The following NR4A1 variants were observed in gnomAD, a reference collection of about 807,000 sequenced individuals.
NR4A1 encodes the protein nuclear receptor subfamily 4 group A member 1, also known as nuclear receptor subfamily 4immunitygroup A member 1.
In NR4A1, 24 loss-of-function variants were observed where a neutral mutation model predicts 47.5. The ratio of observed to expected loss-of-function variants is 0.50; its 90% CI spans 0.37 to 0.71. The LOEUF (loss-of-function observed/expected upper bound fraction) is 0.71, where lower values mean the gene tolerates loss of function less well. Among genes scored for constraint, NR4A1 ranks in the 30% least tolerant of loss-of-function variants. The pLI is 0.00. For synonymous variants in NR4A1, 353 were observed against 345.7 expected, an observed-to-expected ratio of 1.02 and a Z score of -0.24; for missense variants, 669 against 788.6, an observed-to-expected ratio of 0.85 and a Z score of 1.82.
chr12:52,052,678 C>A (rs1314373773), intron 1 of NR4A1: 12 of 984,570 alleles, frequency 1.2e-5, no homozygotes, highest in Non-Finnish European at 1.3e-5. Flanking sequence ...TAAGAACCTG[C>A]ATGAAGGGGG....
chr12:52,040,235 C>A (rs971502114), intron 1 of NR4A1, among the ~76,000 whole-genome samples: 1 of 152,166 alleles, frequency 6.6e-6, no homozygotes, highest in African/African-American at 2.4e-5. Flanking sequence ...GCATTTTGAT[C>A]TGGAACAAGT....
chr12:52,036,779 C>T (rs1391285820), intron 1 of NR4A1, among the ~76,000 whole-genome samples: 1 of 151,416 alleles, frequency 6.6e-6, no homozygotes, highest in African/African-American at 2.5e-5. Flanking sequence ...CAGGCCCTGT[C>T]CTCGCCAGCA....
rs775429196 is a variant in NR4A1 at position 52,057,346 on chromosome 12, T to G, written c.1362-6T>G. ...TGATCGCTCTTCGTGCCCATCTGCC[T>G]GCCAGGTCTAAGCCAGGCGAGGGCA... On this transcript the variant is annotated splice_region_variant and splice_polypyrimidine_tract_variant and intron_variant, in intron 5 of 6. Transcript: ENST00000394825. 2.7e-5 allele frequency: 43 copies of G among 1,614,178 alleles called. No homozygotes were observed. In the East Asian group the frequency reaches 8.7e-4, roughly 33 times the overall value.
At chr12:52,023,086 C>G (rs1937918245) in intron 1 of NR4A1, 1 of 152,668 alleles carries the variant, frequency 6.6e-6, no homozygotes, top group South Asian at 2.1e-4. Context: ...GCAGGGGATC[C>G]CTGCCGGAGT....
intron 1 of NR4A1, among the ~76,000 whole-genome samples, chr12:52,025,016 A>G (rs1220958275): frequency 6.6e-6 from 1 of 151,154 alleles, no homozygotes; most frequent in African/African-American, 2.4e-5. Context: ...ACCACGTGGT[A>G]AGGAAGGAGC....
At chr12:52,037,724 C>A in intron 1 of NR4A1, 1 of 985,432 alleles carries the variant, frequency 1.0e-6, no homozygotes, top group Non-Finnish European at 1.2e-6. Context: ...ATTTCTCCGC[C>A]GGCTGCGGGA....
At chr12:52,052,170 A>G (rs969720213) in intron 1 of NR4A1, among the ~76,000 whole-genome samples, 3 of 151,376 alleles carry the variant, frequency 2.0e-5, no homozygotes, top group African/African-American at 7.3e-5. Context: ...TGACCTGTGG[A>G]GGGCTGCTTG....
chr12:52,023,625 T>C (rs1392811775), intron 1 of NR4A1, among the ~76,000 whole-genome samples: 1 of 129,982 alleles, frequency 7.7e-6, no homozygotes, highest in Admixed American at 7.5e-5. Flanking sequence ...TCTCAACCCC[T>C]CACCCACGCA....
upstream of NR4A1, chr12:52,051,292 G>A: frequency 2.0e-6 from 1 of 488,520 alleles, no homozygotes; most frequent in Non-Finnish European, 2.7e-6. Flanking sequence ...TCCCCGGGCC[G>A]CACCTCCCCC....
Position 52,057,431 on chromosome 12 carries a change from G to T in NR4A1, c.1441G>T (p.Asp481Tyr). 3 of 1,614,256 alleles carry T rather than the reference G, an allele frequency of 1.9e-6. No individual in the cohort carries two copies. The highest frequency in any genetic ancestry group is 2.5e-6 in the Non-Finnish European group (3 of 1,180,054). The change falls in exon 6 of 7, where the codon GAC becomes TAC. Residue 481 changes from aspartate (D) to tyrosine (Y), a missense_variant. Asp to Tyr is a radical substitution (Grantham distance 160, BLOSUM62 -3). Coordinates refer to ENST00000394825, the MANE Select transcript of NR4A1 (RefSeq NM_173157.3). ...GCTGCAGTGTGCCCGTGGCTTCGGG[G>T]ACTGGATTGACAGTATCCTGGCCTT... ...HRLQCARGFG[D>Y]WIDSILAFSR...
intron 1 of NR4A1, among the ~76,000 whole-genome samples, chr12:52,032,326 C>T (rs1021773287): frequency 6.6e-6 from 1 of 152,172 alleles, no homozygotes; most frequent in Non-Finnish European, 1.5e-5. Flanking sequence ...AGGTGGGACA[C>T]CATATTTTCC....
chr12:52,054,206 C>T (rs1412054039), intron 1 of NR4A1, 121 bp from the exon 2 acceptor site: 2 of 833,404 alleles, frequency 2.4e-6, no homozygotes, highest in Non-Finnish European at 3.7e-6. Context: ...GTGCCTCTGT[C>T]TCATCTTTAG....
upstream of NR4A1, among the ~76,000 whole-genome samples, chr12:52,050,649 G>C (rs1416101881): frequency 6.6e-6 from 1 of 152,202 alleles, no homozygotes; most frequent in Non-Finnish European, 1.5e-5. Flanking sequence ...CCGAGCTTGG[G>C]CCTGGCCAAC....
chr12:52,051,310 CT>C (rs1938922446), upstream of NR4A1: 1 of 749,924 alleles, frequency 1.3e-6, no homozygotes, highest in South Asian at 6.0e-5. Context: ...CCCTGGCCGC[CT>C]CCCGCCGGAA....
rs776426181 is a variant in NR4A1, at chr12:52,054,471, C to T, written c.143C>T (p.Thr48Ile). Residue 48 changes from threonine to isoleucine, a missense_variant, in exon 2 of 7, where the codon ACT becomes ATT. Transcript: ENST00000394825. Reference sequence around the variant, plus strand: ...CCCGAGGCAGCCCCCGCTGCCCCCACTGCCCTGCCCAGCTTCAGCACCTTC... The same window carrying T: ...CCCGAGGCAGCCCCCGCTGCCCCCATTGCCCTGCCCAGCTTCAGCACCTTC... ...ASPEAAPAAP[T>I]ALPSFSTFMD... 6.2e-7 allele frequency: 1 copy of T among 1,613,912 alleles called. No individual in the cohort carries two copies. The highest frequency in any genetic ancestry group is 1.1e-5 in the South Asian group (1 of 91,088).
chr12:52,027,424 C>G (rs144233681), intron 1 of NR4A1, among the ~76,000 whole-genome samples: 1 of 152,190 alleles, frequency 6.6e-6, no homozygotes, highest in African/African-American at 2.4e-5. Flanking sequence ...TTCGAGTGCC[C>G]GCAGGATGGT....
At chr12:52,038,861 G>A (rs1287708062) in intron 1 of NR4A1, 2 of 677,920 alleles carry the variant, frequency 3.0e-6, no homozygotes, top group South Asian at 1.5e-5. Context: ...CAGGCCCTGT[G>A]CCTGGCTCAA....
At position 52,055,179 on chromosome 12, in the gene NR4A1, G is replaced by A; in HGVS notation, c.851G>A (p.Cys284Tyr). 1 of 1,613,542 alleles carries A rather than the reference G, an allele frequency of 6.2e-7. No homozygotes were observed. Among genetic ancestry groups the A allele is most frequent in the Non-Finnish European group, 8.5e-7 (1 of 1,180,038 alleles). ...TGCCAGCATTATGGTGTCCGCACATGTGAGGGCTGCAAGGGCTTCTTCAAG... is the reference window on the plus strand; with the variant it reads ...TGCCAGCATTATGGTGTCCGCACATATGAGGGCTGCAAGGGCTTCTTCAAG... ...ASCQHYGVRT[C>Y]EGCKGFFKRT... Residue 284 changes from cysteine to tyrosine, a missense_variant, in exon 2 of 7, where the codon TGT (cysteine) becomes TAT (tyrosine). Physicochemically the swap from Cys to Tyr is radical, Grantham distance 194. Coordinates refer to ENST00000394825, the MANE Select transcript of NR4A1 (RefSeq NM_173157.3).
At chr12:52,051,051 C>T (rs1348266857), upstream of NR4A1, among the ~76,000 whole-genome samples, 4 of 152,316 alleles carry the variant, frequency 2.6e-5, no homozygotes, top group Admixed American at 6.5e-5. Flanking sequence ...CGCCCCTTCT[C>T]GGGCTCTGGC....
Sources: gnomAD v4.1 joint callset for allele counts (sites outside exome capture counted in the v4.1 genomes callset) on GRCh38, gnomAD v4.1.1 for gene constraint, MANE v1.5 for transcripts, NCBI Gene and HGNC (gene_info 2026-07-23, HGNC 2026-07-21) for gene names.